The following GABRB2 variants were observed in gnomAD, a reference collection of about 807,000 sequenced individuals.
The protein encoded by GABRB2 is gamma-aminobutyric acid type A receptor subunit beta2, also known as gamma-aminobutyric acid receptor subunit beta-2.
Under a neutral mutation model 54.7 loss-of-function variants are expected in GABRB2, and 16 were observed. That is an observed-to-expected ratio of 0.29 (90% confidence interval 0.20 to 0.44). The LOEUF (loss-of-function observed/expected upper bound fraction) is 0.44. Ranked by LOEUF, GABRB2 falls within the 20% of genes least tolerant of loss-of-function variation. GABRB2 has a pLI of 1.00. For missense variants in GABRB2, 355 were observed against 644.0 expected (o/e 0.55, Z 4.86); for synonymous variants, 244 against 233.8 (o/e 1.04, Z -0.40).
intron 9 of GABRB2, among the ~76,000 whole-genome samples, chr5:161,326,004 A>C (rs1421731348): frequency 6.6e-6 from 1 of 152,140 alleles, no homozygotes; most frequent in East Asian, 1.9e-4. Context: ...TAATTCACCT[A>C]TTCAATCCAA....
chr5:161,540,611 C>T (rs932092350), intron 3 of GABRB2, among the ~76,000 whole-genome samples: 2 of 152,152 alleles, frequency 1.3e-5, no homozygotes, highest in South Asian at 2.1e-4. Context: ...TCAGAGGAAT[C>T]ACTGCCTATG....
At chr5:161,404,300 A>G (rs554883718) in intron 5 of GABRB2, among the ~76,000 whole-genome samples, 1 of 152,260 alleles carries the variant, frequency 6.6e-6, no homozygotes, top group Non-Finnish European at 1.5e-5. Context: ...ACAGTGATGC[A>G]AATTAAATTT....
At chr5:161,525,738 AC>A (rs1347789908) in intron 3 of GABRB2, among the ~76,000 whole-genome samples, 2 of 151,410 alleles carry the variant, frequency 1.3e-5, no homozygotes, top group African/African-American at 4.8e-5. Context: ...ATTCTTTCAA[AC>A]TGACACAAGT....
intron 4 of GABRB2, among the ~76,000 whole-genome samples, chr5:161,429,468 C>T (rs1429352134): frequency 1.3e-5 from 2 of 151,214 alleles, no homozygotes; most frequent in Non-Finnish European, 2.9e-5. Flanking sequence ...GAAAGATATA[C>T]CAGATTTTGC....
chr5:161,339,326 T>C (rs1399520427), intron 5 of GABRB2, among the ~76,000 whole-genome samples: 1 of 152,146 alleles, frequency 6.6e-6, no homozygotes, highest in African/African-American at 2.4e-5. Flanking sequence ...CTGCCATTTA[T>C]TACGTTAGTT....
chr5:161,351,138 C>T (rs1372265713), intron 5 of GABRB2, among the ~76,000 whole-genome samples: 2 of 152,064 alleles, frequency 1.3e-5, no homozygotes, highest in Non-Finnish European at 2.9e-5. Context: ...TCATATTACA[C>T]ATTAAATGCA....
chr5:161,514,844 G>A (rs186832719), intron 3 of GABRB2, among the ~76,000 whole-genome samples: 1 of 152,236 alleles, frequency 6.6e-6, no homozygotes, highest in Admixed American at 6.5e-5. Flanking sequence ...ATCTGTGAGA[G>A]TTTAGGAAAT....
chr5:161,340,781 T>A (rs1357214384), intron 5 of GABRB2, among the ~76,000 whole-genome samples: 1 of 152,056 alleles, frequency 6.6e-6, no homozygotes, highest in Non-Finnish European at 1.5e-5. Flanking sequence ...AAACATATTT[T>A]ATGTCCCATT....
In GABRB2 at chr5:161,359,119, G is replaced by C. The variant is rs183037471; in HGVS notation, c.542-22350C>G. Among the ~76,000 whole-genome samples the C allele has an allele frequency of 9.8e-3, 1,487 of 151,952 alleles. 13 individuals carry two copies. Among genetic ancestry groups the C allele is most frequent in the Middle Eastern group, 0.034 (10 of 294 alleles). ...TGTGTGACTGTCTTTTTTTGCATTG[G>C]CAGAGAGGGGGAAAAAACAAAAAAC... is the stretch of plus-strand genomic sequence containing the variant. On this transcript the variant is annotated intron_variant, in intron 5 of 9. Coordinates refer to ENST00000393959, the MANE Select transcript of GABRB2 (RefSeq NM_001371727.1).
At chr5:161,478,602 A>G (rs1397500939) in intron 3 of GABRB2, among the ~76,000 whole-genome samples, 1 of 152,070 alleles carries the variant, frequency 6.6e-6, no homozygotes. Flanking sequence ...TTAGAAAAGA[A>G]TAACCTTGAA....
At chr5:161,514,770 A>C (rs1158400035) in intron 3 of GABRB2, among the ~76,000 whole-genome samples, 1 of 152,160 alleles carries the variant, frequency 6.6e-6, no homozygotes, top group African/African-American at 2.4e-5. Flanking sequence ...TCTACATACC[A>C]CTCGAAATTC....
chr5:161,385,955 T>G (rs1009514104), intron 5 of GABRB2, among the ~76,000 whole-genome samples: 4 of 84,184 alleles, frequency 4.8e-5, no homozygotes, highest in Non-Finnish European at 6.6e-5. Flanking sequence ...CTGGTGTGTG[T>G]GTGTGTGTGT....
chr5:161,540,620 T>C (rs548024682), intron 3 of GABRB2, among the ~76,000 whole-genome samples: 28 of 152,284 alleles, frequency 1.8e-4, no homozygotes, highest in African/African-American at 6.5e-4. Flanking sequence ...TCACTGCCTA[T>C]GGTAACTATA....
chr5:161,360,024 A>C (rs968929238), intron 5 of GABRB2, among the ~76,000 whole-genome samples: 1 of 152,116 alleles, frequency 6.6e-6, no homozygotes, highest in Non-Finnish European at 1.5e-5. Flanking sequence ...GAGGTTGTGC[A>C]GCAAGGCAAG....
chr5:161,470,204 A>G (rs768498293), intron 3 of GABRB2, among the ~76,000 whole-genome samples: 19 of 151,586 alleles, frequency 1.3e-4, no homozygotes, highest in Non-Finnish European at 2.1e-4. Flanking sequence ...CTTCTAATGC[A>G]TGTTCTGTGG....
At chr5:161,507,658 C>T (rs1044417153) in intron 3 of GABRB2, among the ~76,000 whole-genome samples, 8 of 151,918 alleles carry the variant, frequency 5.3e-5, no homozygotes, top group African/African-American at 9.7e-5. Flanking sequence ...TCAATAACAA[C>T]GTGACACACA....
chr5:161,394,766 C>G (rs897598619), intron 5 of GABRB2, among the ~76,000 whole-genome samples: 1 of 151,966 alleles, frequency 6.6e-6, no homozygotes, highest in Non-Finnish European at 1.5e-5. Context: ...GGAAATCTAT[C>G]AAACATTCAA....
At chr5:161,430,619 C>G (rs13170689) in intron 4 of GABRB2, among the ~76,000 whole-genome samples, 3,425 of 152,218 alleles carry the variant, frequency 0.023, 60 homozygotes, top group Non-Finnish European at 0.034. Context: ...AGCTTGATAA[C>G]ATGCTATCAT....
At chr5:161,303,016 T>C (rs1481469046) in intron 9 of GABRB2, among the ~76,000 whole-genome samples, 1 of 152,208 alleles carries the variant, frequency 6.6e-6, no homozygotes, top group East Asian at 1.9e-4. Flanking sequence ...TAAAAAATGG[T>C]AGGAATAAAA....
Sources: gnomAD v4.1 joint callset for allele counts (sites outside exome capture counted in the v4.1 genomes callset) on GRCh38, gnomAD v4.1.1 for gene constraint, MANE v1.5 for transcripts, NCBI Gene and HGNC (gene_info 2026-07-23, HGNC 2026-07-21) for gene names.